WDR49: variants seen among roughly 807,000 people sequenced by gnomAD.
The protein encoded by WDR49 is cilia- and flagella-associated protein 337.
Under a neutral mutation model 119.5 loss-of-function variants are expected in WDR49, and 107 were observed. The observed-to-expected ratio is 0.90, with a 90% CI of 0.77 to 1.05. The LOEUF (loss-of-function observed/expected upper bound fraction) is 1.05, where lower values mean the gene tolerates loss of function less well. WDR49 is among the 50% of genes least tolerant of loss of function. WDR49 has a pLI of 0.00. For missense variants in WDR49, 1,240 were observed against 1,220.5 expected, an observed-to-expected ratio of 1.02 and a Z score of -0.24; for synonymous variants, 425 against 418.8, an observed-to-expected ratio of 1.01 and a Z score of -0.18.
chr3:167,624,415 C>T (rs1045082246), intron 3 of WDR49, among the ~76,000 whole-genome samples: 3 of 150,974 alleles, frequency 2.0e-5, no homozygotes, highest in Admixed American at 2.0e-4. Context: ...TCTAGAAAAT[C>T]CAAATTAATC....
chr3:167,503,395 C>T (rs963244499), intron 17 of WDR49, among the ~76,000 whole-genome samples: 14 of 152,174 alleles, frequency 9.2e-5, no homozygotes, highest in Non-Finnish European at 1.6e-4. Context: ...TCCAAAATGG[C>T]GGTGGGCCAC....
At chr3:167,633,039 T>C (rs1348294182) in intron 2 of WDR49, among the ~76,000 whole-genome samples, 2 of 151,930 alleles carry the variant, frequency 1.3e-5, no homozygotes, top group East Asian at 3.9e-4. Context: ...GAATTATAAA[T>C]TGAGTCATCA....
At chr3:167,510,595 G>A (rs1751935409) in intron 16 of WDR49, among the ~76,000 whole-genome samples, 1 of 152,022 alleles carries the variant, frequency 6.6e-6, no homozygotes, top group Non-Finnish European at 1.5e-5. Context: ...GACTTAACTT[G>A]AAGATAACTC....
chr3:167,640,982 T>C (rs1040394307), intron 2 of WDR49, among the ~76,000 whole-genome samples: 2 of 151,922 alleles, frequency 1.3e-5, no homozygotes, highest in Non-Finnish European at 2.9e-5. Context: ...TTCGGTTGCA[T>C]CTACTCGACT....
At chr3:167,599,355 A>G (rs1228769710) in intron 7 of WDR49, among the ~76,000 whole-genome samples, 1 of 152,160 alleles carries the variant, frequency 6.6e-6, no homozygotes, top group African/African-American at 2.4e-5. Flanking sequence ...GCCTCACCTC[A>G]TGACCACCAC....
intron 10 of WDR49, 124 bp from the exon 11 acceptor site, chr3:167,537,124 C>A: frequency 4.3e-6 from 4 of 921,324 alleles, no homozygotes; most frequent in African/African-American, 1.7e-5. Flanking sequence ...AAATTTATCC[C>A]CACTTGACAA....
At chr3:167,518,202 A>C (rs1182416060) in intron 16 of WDR49, among the ~76,000 whole-genome samples, 1 of 151,752 alleles carries the variant, frequency 6.6e-6, no homozygotes, top group Non-Finnish European at 1.5e-5. Context: ...ATACGTGTGC[A>C]TGTGTCTTTA....
At chr3:167,550,124 G>A (rs1437220529) in intron 10 of WDR49, among the ~76,000 whole-genome samples, 1 of 152,172 alleles carries the variant, frequency 6.6e-6, no homozygotes, top group African/African-American at 2.4e-5. Flanking sequence ...AAGTCAGGTA[G>A]TGTGATGCCT....
chr3:167,480,418 A>C (rs1043609981), intron 18 of WDR49, among the ~76,000 whole-genome samples: 7 of 152,170 alleles, frequency 4.6e-5, no homozygotes, highest in Non-Finnish European at 1.0e-4. Flanking sequence ...ATATGAAATT[A>C]AAAAGTAAAC....
chr3:167,496,757 A>G (rs1751370523), intron 18 of WDR49, among the ~76,000 whole-genome samples: 1 of 152,218 alleles, frequency 6.6e-6, no homozygotes. Context: ...AAATACAAAA[A>G]TGAACAAACA....
At chr3:167,613,422 C>A (rs1431395252) in intron 5 of WDR49, among the ~76,000 whole-genome samples, 2 of 152,330 alleles carry the variant, frequency 1.3e-5, no homozygotes, top group African/African-American at 2.4e-5. Context: ...GGCCACTGCT[C>A]ACAGCGGATT....
chr3:167,627,375 G>T, intron 2 of WDR49, 83 bp from the exon 3 acceptor site: 1 of 1,164,368 alleles, frequency 8.6e-7, no homozygotes, highest in Non-Finnish European at 1.1e-6. Flanking sequence ...CCACAAAGGT[G>T]AATTTAATCA....
Position 167,596,621 on chromosome 3 carries a change from C to G in WDR49, c.1275+5506G>C, listed in dbSNP as rs550170845. Among the ~76,000 whole-genome samples the G allele has an allele frequency of 6.3e-4, 91 of 145,594 alleles. 3 individuals carry two copies. The East Asian group carries it at 0.01, about 17-fold the overall frequency. ...CATTCTCAGTAAACTATCGCAAGAA[C>G]AAAAAACCAAACACCGCATATTCTC... On this transcript the variant is annotated intron_variant, in intron 7 of 18. Coordinates refer to ENST00000682715, the MANE Select transcript of WDR49 (RefSeq NM_001366157.1).
chr3:167,576,247 C>G (rs1714247285), intron 7 of WDR49, 96 bp from the exon 8 acceptor site: 1 of 962,954 alleles, frequency 1.0e-6, no homozygotes, highest in Non-Finnish European at 1.6e-6. Context: ...ACCAGGCAGA[C>G]AGTTGTTTCC....
intron 8 of WDR49, among the ~76,000 whole-genome samples, chr3:167,573,371 C>A (rs1714045381): frequency 6.9e-6 from 1 of 145,136 alleles, no homozygotes; most frequent in Non-Finnish European, 1.5e-5. Context: ...ATTGAAGAAT[C>A]CAAATAGCTT....
At chr3:167,597,231 G>T (rs1360896857) in intron 7 of WDR49, among the ~76,000 whole-genome samples, 2 of 152,208 alleles carry the variant, frequency 1.3e-5, no homozygotes, top group African/African-American at 4.8e-5. Context: ...AGGGGCCAAG[G>T]TACAGCTAGG....
intron 4 of WDR49, among the ~76,000 whole-genome samples, chr3:167,621,247 C>G (rs561025581): frequency 2.5e-4 from 38 of 152,106 alleles, no homozygotes; most frequent in Non-Finnish European, 4.1e-4. Context: ...GAGCTATACA[C>G]AGACCAAAAA....
At position 167,500,211 on chromosome 3, in the gene WDR49, A is replaced by G; in HGVS notation, c.2973T>C (p.Phe991=). Residue 991 remains phenylalanine, a synonymous_variant, in exon 18 of 19, where the codon TTT becomes TTC. Transcript: ENST00000682715. The stretch of plus-strand genomic sequence containing the variant: ...GACGCTCTTCCTCTGGTTCTTTCCT[A>G]AAGTATTTCTCAGGGTCTAGAAGGA... ...PAFLLDPEKY[F]RKEPEEERPQ... is the part of the protein sequence containing the mutation. 1.3e-6 allele frequency: 2 copies of G among 1,596,348 alleles called. No individual in the cohort carries two copies. The highest frequency in any genetic ancestry group is 1.4e-5 in the African/African-American group (1 of 73,498).
At chr3:167,563,937 C>A (rs74840429) in intron 8 of WDR49, among the ~76,000 whole-genome samples, 3 of 152,038 alleles carry the variant, frequency 2.0e-5, no homozygotes, top group African/African-American at 7.2e-5. Flanking sequence ...TTTTTATTTC[C>A]CTAACAGAAA....
Sources: allele counts gnomAD v4.1 joint callset (sites outside exome capture counted in the v4.1 genomes callset), GRCh38; gene constraint gnomAD v4.1.1; transcripts MANE v1.5; gene names NCBI Gene and HGNC (gene_info 2026-07-23, HGNC 2026-07-21).